The following DNAJC24 variants were observed in gnomAD, a reference collection of about 807,000 sequenced individuals.
DNAJC24 encodes dnaJ homolog subfamily C member 24.
In DNAJC24, 17 loss-of-function variants were observed where a neutral mutation model predicts 18.0. The observed-to-expected ratio is 0.94, with a 90% CI of 0.65 to 1.42. DNAJC24 has a LOEUF of 1.42. DNAJC24 is among the 40% of genes most tolerant of loss of function. The pLI is 0.00. For missense variants in DNAJC24, 158 were observed against 175.6 expected (o/e 0.90, Z 0.57); for synonymous variants, 55 against 57.7 (o/e 0.95, Z 0.21).
chr11:31,398,022 C>G (rs562684633), intron 2 of DNAJC24, among the ~76,000 whole-genome samples: 61 of 152,088 alleles, frequency 4.0e-4, no homozygotes, highest in African/African-American at 1.2e-3. Context: ...AGGCTGGTCT[C>G]GAACTCTTGA....
chr11:31,408,012 A>G, intron 2 of DNAJC24: 2 of 440,834 alleles, frequency 4.5e-6, no homozygotes, highest in Non-Finnish European at 9.1e-6. Context: ...AAACAGTGGA[A>G]TGAAGAAGTT....
intron 2 of DNAJC24, among the ~76,000 whole-genome samples, chr11:31,398,350 C>G (rs1394536008): frequency 6.6e-6 from 1 of 152,052 alleles, no homozygotes; most frequent in Non-Finnish European, 1.5e-5. Context: ...CATGTAATCC[C>G]ATCATTAATT....
chr11:31,420,290 AG>A (rs1324284332), intron 3 of DNAJC24, among the ~76,000 whole-genome samples: 2 of 152,048 alleles, frequency 1.3e-5, no homozygotes, highest in East Asian at 3.9e-4. Context: ...GGTTCAACTT[AG>A]GTCCTTCCAT....
At chr11:31,385,799 G>A (rs1952423699) in intron 2 of DNAJC24, among the ~76,000 whole-genome samples, 1 of 152,070 alleles carries the variant, frequency 6.6e-6, no homozygotes, top group Non-Finnish European at 1.5e-5. Context: ...CATCCCCTCT[G>A]CAGGAACATC....
At chr11:31,371,652 T>TAG in intron 2 of DNAJC24, among the ~76,000 whole-genome samples, 1 of 152,126 alleles carries the variant, frequency 6.6e-6, no homozygotes, top group Admixed American at 6.5e-5. Flanking sequence ...CTATTTTGTG[T>TAG]TTTATATACA....
chr11:31,413,499 A>AT (rs1564956099), intron 2 of DNAJC24, among the ~76,000 whole-genome samples: 1 of 151,330 alleles, frequency 6.6e-6, no homozygotes, highest in East Asian at 1.9e-4. Flanking sequence ...CCTGGCCAAT[A>AT]TTTTTGTACT....
intron 2 of DNAJC24, among the ~76,000 whole-genome samples, chr11:31,394,724 A>C (rs1273543152): frequency 1.3e-5 from 2 of 152,124 alleles, no homozygotes; most frequent in African/African-American, 2.4e-5. Context: ...TATAGTATTA[A>C]ATACTTATGT....
chr11:31,402,298 C>A (rs1278559809), intron 2 of DNAJC24, among the ~76,000 whole-genome samples: 1 of 152,008 alleles, frequency 6.6e-6, no homozygotes, highest in Non-Finnish European at 1.5e-5. Context: ...TGATACATAC[C>A]TGTGTAGGGT....
At chr11:31,376,293 T>C (rs939893494) in intron 2 of DNAJC24, among the ~76,000 whole-genome samples, 8 of 152,232 alleles carry the variant, frequency 5.3e-5, no homozygotes, top group Non-Finnish European at 8.8e-5. Context: ...TATATCTTTA[T>C]CTGCAGTGTG....
intron 2 of DNAJC24, among the ~76,000 whole-genome samples, chr11:31,371,559 C>T (rs1207413321): frequency 6.6e-6 from 1 of 151,870 alleles, no homozygotes; most frequent in Non-Finnish European, 1.5e-5. Flanking sequence ...GTTAAACTCC[C>T]TGTCTGATAA....
At chr11:31,395,430 C>T (rs940256213) in intron 2 of DNAJC24, among the ~76,000 whole-genome samples, 1 of 152,034 alleles carries the variant, frequency 6.6e-6, no homozygotes. Flanking sequence ...GATTGCTGGT[C>T]GAATGGTAGT....
intron 2 of DNAJC24, 45 bp downstream of exon 2, chr11:31,370,904 C>A: frequency 7.8e-7 from 1 of 1,286,864 alleles, no homozygotes; most frequent in South Asian, 1.3e-5. Context: ...GGAAAAAAAT[C>A]AATTTTTATA....
chr11:31,430,268 C>T lies in DNAJC24; in HGVS notation c.320-3C>T. 6.2e-7 allele frequency: 1 copy of T among 1,600,142 alleles called. No individual in the cohort carries two copies. Among genetic ancestry groups the T allele is most frequent in the South Asian group, 1.1e-5 (1 of 88,978 alleles). ...TGAAAGATTATTTTGTTTTCTTTTG[C>T]AGGTGATCACTCTTTTTATCTGAGT... On this transcript the variant is annotated splice_polypyrimidine_tract_variant and splice_region_variant and intron_variant, in intron 4 of 4. Transcript: ENST00000465995.
intron 2 of DNAJC24, among the ~76,000 whole-genome samples, chr11:31,413,519 A>G (rs1227043232): frequency 2.0e-5 from 3 of 151,932 alleles, no homozygotes; most frequent in Non-Finnish European, 2.9e-5. Context: ...TTTTTAGTAG[A>G]GTCAGGGTTT....
At chr11:31,380,497 T>C (rs971129907) in intron 2 of DNAJC24, among the ~76,000 whole-genome samples, 2 of 152,354 alleles carry the variant, frequency 1.3e-5, no homozygotes, top group African/African-American at 4.8e-5. Context: ...GAAAACATTT[T>C]TGTCAGTCCT....
intron 2 of DNAJC24, among the ~76,000 whole-genome samples, chr11:31,375,752 T>A (rs1388947409): frequency 3.0e-5 from 4 of 135,278 alleles, no homozygotes; most frequent in Non-Finnish European, 6.8e-5. Flanking sequence ...TGGTACCTTC[T>A]TTTTATTCTC....
chr11:31,396,377 G>A (rs1351796854), intron 2 of DNAJC24: 3 of 431,910 alleles, frequency 6.9e-6, no homozygotes, highest in African/African-American at 6.1e-5. Flanking sequence ...TTCATCTGAG[G>A]CTCAGGGGAC....
intron 2 of DNAJC24, chr11:31,407,518 C>T (rs1407209774): frequency 6.6e-6 from 1 of 151,326 alleles, no homozygotes; most frequent in Non-Finnish European, 1.5e-5. Context: ...AACCTCATCT[C>T]TACAGAAAAT....
In DNAJC24 at chr11:31,431,905, T is replaced by C. The variant is rs1249306854; in HGVS notation, c.*1504T>C. ...CCATTGCACTGCTGCTATGCTGAAA[T>C]GAACTTTTATAAAGTATTATTGACT... is the stretch of plus-strand genomic sequence containing the variant. On this transcript the variant is annotated 3_prime_UTR_variant, in exon 5 of 5. Transcript: ENST00000465995. The C allele has an allele frequency of 6.6e-6, 1 of 152,236 alleles. No individual in the cohort carries two copies. The highest frequency in any genetic ancestry group is 1.9e-4 in the East Asian group (1 of 5,196). 9.4% of individuals were successfully genotyped at this position (152,236 alleles called of 1,614,324 possible). A position where few individuals can be genotyped will look rare whatever the true frequency, so the allele number is the denominator to read the frequency against.
Sources: allele counts gnomAD v4.1 joint callset (sites outside exome capture counted in the v4.1 genomes callset), GRCh38; gene constraint gnomAD v4.1.1; transcripts MANE v1.5; gene names NCBI Gene and HGNC (gene_info 2026-07-23, HGNC 2026-07-21).